FKBP5: variants seen among roughly 807,000 people sequenced by gnomAD.
FKBP5 encodes the protein peptidyl-prolyl cis-trans isomerase FKBP5.
Under a neutral mutation model 50.5 loss-of-function variants are expected in FKBP5, and 23 were observed. The ratio of observed to expected loss-of-function variants is 0.46; its 90% CI spans 0.33 to 0.65. The LOEUF (loss-of-function observed/expected upper bound fraction) is 0.65, where lower values mean the gene tolerates loss of function less well. FKBP5 is among the 30% of genes least tolerant of loss of function. The pLI is 0.02. For synonymous variants in FKBP5, 176 were observed against 190.6 expected (o/e 0.92, Z 0.63); for missense variants, 411 against 553.1 (o/e 0.74, Z 2.58).
chr6:35,605,166 G>A (rs1468940970), intron 5 of FKBP5, among the ~76,000 whole-genome samples: 1 of 151,982 alleles, frequency 6.6e-6, no homozygotes, highest in East Asian at 1.9e-4. Flanking sequence ...CACATGGGGT[G>A]ATTTGGAAAT....
chr6:35,640,393 G>C (rs1481390278), intron 2 of FKBP5, among the ~76,000 whole-genome samples: 1 of 151,672 alleles, frequency 6.6e-6, no homozygotes, highest in African/African-American at 2.4e-5. Context: ...AGGTATACAA[G>C]AAAAAAAATG....
chr6:35,633,478 C>T (rs1478375542), intron 3 of FKBP5, among the ~76,000 whole-genome samples: 1 of 142,784 alleles, frequency 7.0e-6, no homozygotes, highest in South Asian at 2.2e-4. Context: ...CAGAGGCAGA[C>T]GTTGCAGTGA....
At chr6:35,642,524 G>T (rs542460978) in intron 2 of FKBP5, among the ~76,000 whole-genome samples, 196 bp downstream of exon 2, 1 of 152,266 alleles carries the variant, frequency 6.6e-6, no homozygotes, top group South Asian at 2.1e-4. Context: ...CTCAAGACCA[G>T]CCTGGGCAAC....
chr6:35,641,689 G>A (rs1013273916), intron 2 of FKBP5, among the ~76,000 whole-genome samples: 10 of 152,044 alleles, frequency 6.6e-5, no homozygotes, highest in African/African-American at 2.4e-4. Context: ...CTGTACACAG[G>A]AACAATATTT....
At chr6:35,583,703 C>T in intron 8 of FKBP5, 2 of 920,900 alleles carry the variant, frequency 2.2e-6, no homozygotes, top group Non-Finnish European at 2.6e-6. Context: ...ATGCACAAGA[C>T]AGCCCCACAC....
chr6:35,667,520 A>C (rs1248914218), intron 1 of FKBP5, among the ~76,000 whole-genome samples: 6 of 152,252 alleles, frequency 3.9e-5, no homozygotes, highest in Non-Finnish European at 7.3e-5. Context: ...TAATATTTAA[A>C]GTTATTAGAA....
chr6:35,664,816 TC>T (rs956338979), intron 1 of FKBP5: 1 of 154,136 alleles, frequency 6.5e-6, no homozygotes, highest in African/African-American at 2.4e-5. Flanking sequence ...TCTTTCCTTC[TC>T]CAATCTTTGA....
At chr6:35,616,024 T>C (rs568450836) in intron 5 of FKBP5, among the ~76,000 whole-genome samples, 3 of 152,196 alleles carry the variant, frequency 2.0e-5, no homozygotes, top group South Asian at 4.1e-4. Context: ...TTCAAAATAG[T>C]AGAGTAGGCT....
chr6:35,590,995 T>C (rs770562542), intron 7 of FKBP5, 135 bp downstream of exon 7: 34 of 544,658 alleles, frequency 6.2e-5, no homozygotes, highest in Middle Eastern at 4.9e-4. Flanking sequence ...AGCAGCAGTG[T>C]TGGAGGCAAG....
At chr6:35,706,355 C>T (rs1383679179) in intron 2 of FKBP5, among the ~76,000 whole-genome samples, 67 of 144,808 alleles carry the variant, frequency 4.6e-4, no homozygotes, top group African/African-American at 1.6e-3. Context: ...ACCTAGGAGG[C>T]GGAGGTTGCA....
At chr6:35,717,493 C>T (rs562510327) in intron 2 of FKBP5, among the ~76,000 whole-genome samples, 5 of 152,352 alleles carry the variant, frequency 3.3e-5, no homozygotes, top group African/African-American at 1.2e-4. Context: ...ATCTGTGTTG[C>T]CCATTACATG....
intron 2 of FKBP5, among the ~76,000 whole-genome samples, chr6:35,702,928 G>A (rs138092656): frequency 4.0e-4 from 61 of 152,092 alleles, no homozygotes; most frequent in East Asian, 7.7e-4. Context: ...TTAAAAATTC[G>A]TATTTTATCA....
At chr6:35,647,477 G>A (rs1490558716) in intron 1 of FKBP5, among the ~76,000 whole-genome samples, 2 of 152,200 alleles carry the variant, frequency 1.3e-5, no homozygotes, top group Non-Finnish European at 2.9e-5. Context: ...CCAGAACTTT[G>A]GGGGAATTTC....
chr6:35,705,240 ATATATATATATATATATATT>A (rs1270173644), intron 2 of FKBP5, among the ~76,000 whole-genome samples: 12 of 35,186 alleles, frequency 3.4e-4, no homozygotes, highest in African/African-American at 1.1e-3. Context: ...ATATATATAT[ATATATATATATATATATATT>A]TTTTTTTTTT....
intron 5 of FKBP5, among the ~76,000 whole-genome samples, chr6:35,617,104 T>C (rs1216926068): frequency 6.6e-6 from 1 of 152,104 alleles, no homozygotes; most frequent in Non-Finnish European, 1.5e-5. Flanking sequence ...AGTCTGGAGC[T>C]ATTTCCCTGG....
At chr6:35,637,462 T>C in intron 2 of FKBP5, among the ~76,000 whole-genome samples, 1 of 122,422 alleles carries the variant, frequency 8.2e-6, no homozygotes, top group Non-Finnish European at 1.6e-5. Flanking sequence ...AAACTCTTTT[T>C]TTTTTTTTTT....
At chr6:35,640,358 A>G (rs1421372779) in intron 2 of FKBP5, among the ~76,000 whole-genome samples, 1 of 152,204 alleles carries the variant, frequency 6.6e-6, no homozygotes, top group Non-Finnish European at 1.5e-5. Context: ...GCATATCTCA[A>G]CATAGAAAAA....
At chr6:35,608,347 C>A (rs1763391507) in intron 5 of FKBP5, among the ~76,000 whole-genome samples, 1 of 149,840 alleles carries the variant, frequency 6.7e-6, no homozygotes, top group Non-Finnish European at 1.5e-5. Context: ...GGCACATGTC[C>A]CCCCTGAATC....
intron 8 of FKBP5, chr6:35,585,860 T>C: frequency 8.1e-6 from 8 of 985,408 alleles, no homozygotes; most frequent in Non-Finnish European, 9.6e-6. Flanking sequence ...TGGTGCCCTC[T>C]GGCTGTGTTA....
Sources: gnomAD v4.1 joint callset for allele counts (sites outside exome capture counted in the v4.1 genomes callset) on GRCh38, gnomAD v4.1.1 for gene constraint, MANE v1.5 for transcripts, NCBI Gene and HGNC (gene_info 2026-07-23, HGNC 2026-07-21) for gene names.